The following DAB1 variants were observed in gnomAD, a reference collection of about 807,000 sequenced individuals.
The protein encoded by DAB1 is disabled homolog 1.
A neutral mutation model predicts 64.6 loss-of-function variants in DAB1; 15 were observed. The observed-to-expected ratio is 0.23, with a 90% CI of 0.16 to 0.36. DAB1 has a LOEUF of 0.36. Among genes scored for constraint, DAB1 ranks in the 10% least tolerant of loss-of-function variants. The probability of loss-of-function intolerance (pLI) is 1.00; values close to 1 mark genes in which losing one functional copy is unlikely to be tolerated. For synonymous variants in DAB1, 235 were observed against 251.9 expected (o/e 0.93, Z 0.64); for missense variants, 596 against 706.7 (o/e 0.84, Z 1.78).
At chr1:57,472,621 C>G (rs974872659) in intron 7 of DAB1, among the ~76,000 whole-genome samples, 1 of 151,544 alleles carries the variant, frequency 6.6e-6, no homozygotes, top group Non-Finnish European at 1.5e-5. Flanking sequence ...CAGTCACATA[C>G]CCGCTGCTTG....
intron 6 of DAB1, among the ~76,000 whole-genome samples, chr1:57,710,865 A>G (rs1647020201): frequency 6.6e-6 from 1 of 152,160 alleles, no homozygotes; most frequent in South Asian, 2.1e-4. Context: ...GGGTTTCTCA[A>G]GGATGGTAGG....
At chr1:57,794,136 G>T (rs1018095928) in intron 6 of DAB1, among the ~76,000 whole-genome samples, 1 of 152,104 alleles carries the variant, frequency 6.6e-6, no homozygotes, top group Non-Finnish European at 1.5e-5. Context: ...GGTTCCCTTG[G>T]ACTGGCTGAA....
intron 5 of DAB1, among the ~76,000 whole-genome samples, chr1:58,022,165 T>A (rs1157748154): frequency 6.6e-6 from 1 of 152,154 alleles, no homozygotes; most frequent in African/African-American, 2.4e-5. Context: ...CTGGCTGCTC[T>A]TAACTTTTCC....
rs546814545 is a variant in DAB1 at position 58,297,015 on chromosome 1, C to T, written n.309+46337G>A. Among the ~76,000 whole-genome samples, 4 of 152,226 alleles carry T rather than the reference C, an allele frequency of 2.6e-5. No homozygotes were observed. The South Asian group carries it at 8.3e-4, about 32-fold the overall frequency. ...CTTCTAGAGAGTGCAGCCTACAATT[C>T]CAAAGCATCTTCTCTAGGTCAAGTG... On this transcript the variant is annotated intron_variant and non_coding_transcript_variant, in intron 4 of 20. Transcript: ENST00000485760.
At chr1:57,689,907 C>T (rs1010038878) in intron 6 of DAB1, among the ~76,000 whole-genome samples, 2 of 152,156 alleles carry the variant, frequency 1.3e-5, no homozygotes, top group African/African-American at 4.8e-5. Context: ...CTTTCCCCCA[C>T]TACCATTCCA....
intron 1 of DAB1, among the ~76,000 whole-genome samples, chr1:57,320,745 A>G (rs954664282): frequency 3.3e-5 from 5 of 152,162 alleles, no homozygotes; most frequent in African/African-American, 1.2e-4. Flanking sequence ...GAAGATCTCT[A>G]AGGATTATTC....
chr1:57,089,151 GC>G (rs1216243329), intron 4 of DAB1, among the ~76,000 whole-genome samples: 3 of 152,182 alleles, frequency 2.0e-5, no homozygotes, highest in African/African-American at 7.2e-5. Flanking sequence ...GACTTGCTTA[GC>G]ATCGTGTCCA....
intron 7 of DAB1, among the ~76,000 whole-genome samples, chr1:57,527,426 T>A (rs1305601497): frequency 6.6e-6 from 1 of 152,178 alleles, no homozygotes; most frequent in African/African-American, 2.4e-5. Context: ...CATCCATTTG[T>A]TTCTTGAGAA....
rs141263682 is a variant in DAB1 at position 58,291,975 on chromosome 1, C to A, written n.309+51377G>T. Among the ~76,000 whole-genome samples, 582 of 152,280 alleles carry A rather than the reference C, an allele frequency of 3.8e-3. 3 individuals carry two copies. The highest frequency in any genetic ancestry group is 6.3e-3 in the Non-Finnish European group (431 of 68,010). On this transcript the variant is annotated intron_variant and non_coding_transcript_variant, in intron 4 of 20. Coordinates refer to the DAB1 transcript ENST00000485760. Reference sequence around the variant, plus strand: ...TTGATGGACCCAGTAAAACAGATTGCCCTCTCCAATACAGGTGAGCATCAT... The same window carrying A: ...TTGATGGACCCAGTAAAACAGATTGACCTCTCCAATACAGGTGAGCATCAT...
At chr1:57,492,019 A>G (rs938921355) in intron 7 of DAB1, among the ~76,000 whole-genome samples, 3 of 152,230 alleles carry the variant, frequency 2.0e-5, no homozygotes, top group African/African-American at 7.2e-5. Context: ...ATGAGTGTTG[A>G]AAAAGAAATA....
At chr1:57,078,320 T>C (rs1176315002) in intron 4 of DAB1, among the ~76,000 whole-genome samples, 2 of 152,164 alleles carry the variant, frequency 1.3e-5, no homozygotes, top group African/African-American at 4.8e-5. Flanking sequence ...TCAGAAGAAA[T>C]GCAATTCACA....
chr1:57,522,413 A>G (rs1202937514), intron 7 of DAB1, among the ~76,000 whole-genome samples: 1 of 152,184 alleles, frequency 6.6e-6, no homozygotes, highest in Admixed American at 6.5e-5. Flanking sequence ...GTTAAGTGAA[A>G]TTTGGGTCCT....
chr1:57,588,804 G>T (rs1055759779), intron 7 of DAB1, among the ~76,000 whole-genome samples: 3 of 152,156 alleles, frequency 2.0e-5, no homozygotes, highest in African/African-American at 7.2e-5. Context: ...ATATAATGAA[G>T]AAGGTATTTT....
At chr1:58,471,648 G>T (rs1328596692) in intron 3 of DAB1, among the ~76,000 whole-genome samples, 1 of 152,144 alleles carries the variant, frequency 6.6e-6, no homozygotes, top group Non-Finnish European at 1.5e-5. Flanking sequence ...TTGGATCATG[G>T]GGCAGGTTCT....
At chr1:57,920,835 G>C (rs922130475) in intron 5 of DAB1, among the ~76,000 whole-genome samples, 2 of 152,162 alleles carry the variant, frequency 1.3e-5, no homozygotes, top group African/African-American at 4.8e-5. Flanking sequence ...ACTTTGGATT[G>C]TTGCTGGGAC....
chr1:57,744,454 C>T lies in DAB1; in HGVS notation n.552-94789G>A, dbSNP rs1241576803. 2.0e-5 allele frequency among the ~76,000 whole-genome samples: 3 copies of T among 150,256 alleles called. No homozygotes were observed. In the East Asian group the frequency reaches 5.8e-4, roughly 29 times the overall value. On this transcript the variant is annotated intron_variant and non_coding_transcript_variant, in intron 6 of 20. Transcript: ENST00000485760. ...ACTCTGTCTCAAAAAAAAAAAAAAG[C>T]TCAACAATGACTTTGTTATTGGACA...
intron 4 of DAB1, among the ~76,000 whole-genome samples, chr1:58,331,177 G>C (rs1662960367): frequency 6.6e-6 from 1 of 152,198 alleles, no homozygotes. Context: ...GGATGACTTT[G>C]AAAGGTTCAA....
At chr1:57,519,414 C>T (rs1042504816) in intron 7 of DAB1, among the ~76,000 whole-genome samples, 3 of 152,190 alleles carry the variant, frequency 2.0e-5, no homozygotes, top group Non-Finnish European at 4.4e-5. Flanking sequence ...GGAGTCACCA[C>T]CATGTGCCAG....
At chr1:57,479,893 C>T (rs953740012) in intron 7 of DAB1, among the ~76,000 whole-genome samples, 2 of 152,032 alleles carry the variant, frequency 1.3e-5, no homozygotes, top group Non-Finnish European at 2.9e-5. Context: ...GTGGCTCATG[C>T]CTGTAATCCC....
Sources: gnomAD v4.1 joint callset for allele counts (sites outside exome capture counted in the v4.1 genomes callset) on GRCh38, gnomAD v4.1.1 for gene constraint, MANE v1.5 for transcripts, NCBI Gene and HGNC (gene_info 2026-07-23, HGNC 2026-07-21) for gene names.